The following CUL4B variants were observed in gnomAD, a reference collection of about 807,000 sequenced individuals.
The protein encoded by CUL4B is cullin-4B.
A neutral mutation model predicts 69.2 loss-of-function variants in CUL4B; 1 was observed. That is an observed-to-expected ratio of 0.01 (90% CI 0.01 to 0.07). The LOEUF is 0.07. Among genes scored for constraint, CUL4B ranks in the 10% least tolerant of loss-of-function variants. The probability of loss-of-function intolerance (pLI) is 1.00; values close to 1 mark genes in which losing one functional copy is unlikely to be tolerated. For missense variants in CUL4B, 328 were observed against 638.8 expected, an observed-to-expected ratio of 0.51 and a Z score of 5.24; for synonymous variants, 237 against 223.2, an observed-to-expected ratio of 1.06 and a Z score of -0.55.
At chrX:120,544,810 G>C (rs1924217437) in intron 5 of CUL4B, among the ~76,000 whole-genome samples, 167 bp from the exon 6 acceptor site, 1 of 112,168 alleles carries the variant, frequency 8.9e-6, no homozygotes, top group African/African-American at 3.2e-5. Flanking sequence ...AACATTATTA[G>C]ATTAAAGAAC....
At chrX:120,554,127 C>T (rs1339446867) in intron 2 of CUL4B, among the ~76,000 whole-genome samples, 5 of 112,031 alleles carry the variant, frequency 4.5e-5, no homozygotes, top group African/African-American at 1.6e-4. Context: ...GATTTCTTTT[C>T]TAAAGACTCA....
intron 2 of CUL4B, among the ~76,000 whole-genome samples, chrX:120,552,843 G>A (rs1309656407): frequency 8.9e-6 from 1 of 112,365 alleles, no homozygotes; most frequent in African/African-American, 3.2e-5. Context: ...CAGATAGTAA[G>A]TAAAGCACAT....
intron 2 of CUL4B, among the ~76,000 whole-genome samples, chrX:120,550,335 T>C (rs902655231): frequency 2.7e-5 from 3 of 112,195 alleles, no homozygotes; most frequent in African/African-American, 9.7e-5. Flanking sequence ...ACATGAAGTA[T>C]TCAAAAAAAA....
Position 120,535,842 on chromosome X carries a change from T to C in CUL4B, c.2148A>G (p.Ala716=). 2 of 1,194,196 alleles carry C rather than the reference T, an allele frequency of 1.7e-6. No homozygotes were observed. The highest frequency in any genetic ancestry group is 2.3e-6 in the Non-Finnish European group (2 of 879,575). ...AACATCCACTTACCTCTTTAAATTC[T>C]GCTTTTAACACACAGTGTCCTAGGG... The part of the protein sequence containing the change: ...QSTLGHCVLK[A]EFKEGKKELQ... The change falls in exon 16 of 20, where the codon GCA becomes GCG. Residue 716 remains alanine (A), a synonymous_variant. Coordinates refer to ENST00000371322, the MANE Select transcript of CUL4B (RefSeq NM_001079872.2).
At chrX:120,563,589 CT>C (rs1925407251), upstream of CUL4B, among the ~76,000 whole-genome samples, 1 of 112,078 alleles carries the variant, frequency 8.9e-6, no homozygotes. Context: ...TTGAACTTTC[CT>C]TTATCGTGTC....
upstream of CUL4B, chrX:120,561,204 C>T (rs1386988287): frequency 1.2e-5 from 7 of 592,039 alleles, no homozygotes; most frequent in East Asian, 8.0e-5. Flanking sequence ...GAGGGGGCGG[C>T]TGGAAAGGGG....
downstream of CUL4B, among the ~76,000 whole-genome samples, chrX:120,566,539 A>G (rs1257153857): frequency 2.8e-5 from 3 of 105,388 alleles, no homozygotes; most frequent in African/African-American, 1.0e-4. Context: ...CTGGGATTAC[A>G]GGCATGCAGC....
rs1035466626 is a variant in CUL4B, at chrX:120,560,933, C to G, written c.-295G>C. On this transcript the variant is annotated 5_prime_UTR_variant, in exon 1 of 20. Coordinates refer to ENST00000371322, the MANE Select transcript of CUL4B (RefSeq NM_001079872.2). ...CCCCTGCTTTTCGATCTCTCTCCCC[C>G]CCTTTCTGCAGGAGCGACTCAGCGA... 29 of 751,113 alleles carry G rather than the reference C, an allele frequency of 3.9e-5. No individual in the cohort carries two copies. The highest frequency in any genetic ancestry group is 3.4e-4 in the South Asian group (5 of 14,545). The allele number at this position is 751,113 out of a possible 1,213,427, so 61.9% of individuals were successfully genotyped here. A position where few individuals can be genotyped will look rare whatever the true frequency, so the allele number is the denominator to read the frequency against.
chrX:120,551,828 C>A (rs1924707146), intron 2 of CUL4B, among the ~76,000 whole-genome samples: 2 of 111,520 alleles, frequency 1.8e-5, no homozygotes, highest in African/African-American at 6.5e-5. Flanking sequence ...CTTACTAGTA[C>A]TAAGTGCTTT....
At chrX:120,571,513 C>T in exon 3 of CUL4B, 1 of 111,130 alleles carries the variant, frequency 9.0e-6, no homozygotes, top group Admixed American at 9.6e-5. Context: ...CTCTATGGTC[C>T]ACAATATGGG....
chrX:120,564,749 TA>T (rs1925443566), upstream of CUL4B, among the ~76,000 whole-genome samples: 1 of 112,614 alleles, frequency 8.9e-6, no homozygotes, highest in Admixed American at 9.4e-5. Context: ...TTCTCAACAT[TA>T]AAATACATTT....
At chrX:120,544,744 C>T in intron 5 of CUL4B, 101 bp from the exon 6 acceptor site, 1 of 663,171 alleles carries the variant, frequency 1.5e-6, no homozygotes, top group Non-Finnish European at 2.4e-6. Flanking sequence ...ATTAGGGCTC[C>T]AGGGCTTTGA....
intron 19 of CUL4B, 114 bp from the exon 20 acceptor site, chrX:120,526,970 T>A: frequency 2.7e-6 from 1 of 371,490 alleles, no homozygotes; most frequent in Non-Finnish European, 4.7e-6. Context: ...AATCTCCTTT[T>A]TTAAAATTTT....
intron 19 of CUL4B, among the ~76,000 whole-genome samples, chrX:120,527,995 G>A (rs1923083482): frequency 8.9e-6 from 1 of 112,541 alleles, no homozygotes; most frequent in Non-Finnish European, 1.9e-5. Flanking sequence ...GCACTGTAAG[G>A]TAGTTTAAGG....
intron 4 of CUL4B, 94 bp from the exon 5 acceptor site, chrX:120,545,611 GTATA>G: frequency 1.7e-6 from 1 of 580,464 alleles, no homozygotes; most frequent in Non-Finnish European, 2.9e-6. Context: ...GAGTTTGTCT[GTATA>G]TATATTACAT....
intron 2 of CUL4B, among the ~76,000 whole-genome samples, chrX:120,550,816 A>T (rs1266766928): frequency 8.9e-6 from 1 of 111,886 alleles, no homozygotes; most frequent in East Asian, 2.8e-4. Flanking sequence ...ACTGTGATGG[A>T]GCAATCTCGT....
upstream of CUL4B, among the ~76,000 whole-genome samples, chrX:120,564,673 G>A (rs1199632994): frequency 2.7e-5 from 3 of 112,424 alleles, no homozygotes; most frequent in African/African-American, 9.7e-5. Context: ...AACTAATTGA[G>A]GCTAGTTGAA....
At chrX:120,534,738 TTCA>T (rs1923548751) in intron 16 of CUL4B, 152 bp from the exon 17 acceptor site, 4 of 476,041 alleles carry the variant, frequency 8.4e-6, no homozygotes, top group Non-Finnish European at 1.5e-5. Flanking sequence ...AATACAGTAT[TTCA>T]GTGTGAGGTT....
chrX:120,564,837 A>T (rs1038162156), upstream of CUL4B, among the ~76,000 whole-genome samples: 1 of 112,469 alleles, frequency 8.9e-6, no homozygotes, highest in Non-Finnish European at 1.9e-5. Context: ...CCATTATCAG[A>T]CTAAACCAGA....
Sources: gnomAD v4.1 joint callset for allele counts (sites outside exome capture counted in the v4.1 genomes callset) on GRCh38, gnomAD v4.1.1 for gene constraint, MANE v1.5 for transcripts, NCBI Gene and HGNC (gene_info 2026-07-23, HGNC 2026-07-21) for gene names.